The following AAMDC variants were observed in gnomAD, a reference collection of about 807,000 sequenced individuals.
AAMDC encodes mth938 domain-containing protein.
Under a neutral mutation model 15.5 loss-of-function variants are expected in AAMDC, and 16 were observed. The observed-to-expected ratio is 1.03, with a 90% confidence interval of 0.70 to 1.57. AAMDC has a LOEUF of 1.57. AAMDC is among the 40% of genes most tolerant of loss of function. AAMDC has a pLI of 0.00. For missense variants in AAMDC, 141 were observed against 144.9 expected, an observed-to-expected ratio of 0.97 and a Z score of 0.14; for synonymous variants, 51 against 51.6, an observed-to-expected ratio of 0.99 and a Z score of 0.05.
intron 3 of AAMDC, among the ~76,000 whole-genome samples, chr11:77,871,488 G>A (rs1041303621): frequency 2.0e-5 from 3 of 152,156 alleles, no homozygotes; most frequent in African/African-American, 7.2e-5. Flanking sequence ...AATAATAAAC[G>A]CAGTGAGGAA....
chr11:77,837,167 G>T (rs1282126825), intron 1 of AAMDC, among the ~76,000 whole-genome samples: 1 of 151,920 alleles, frequency 6.6e-6, no homozygotes, highest in African/African-American at 2.4e-5. Flanking sequence ...ACGTAGTCTC[G>T]CTCTGTCACC....
chr11:77,894,649 G>A (rs1952433950), intron 5 of AAMDC, among the ~76,000 whole-genome samples: 1 of 152,174 alleles, frequency 6.6e-6, no homozygotes, highest in Non-Finnish European at 1.5e-5. Flanking sequence ...TAGCATGTGG[G>A]CAGTACAGTG....
chr11:77,828,670 G>GA (rs34504909), intron 1 of AAMDC, among the ~76,000 whole-genome samples: 192 of 83,578 alleles, frequency 2.3e-3, no homozygotes, highest in Middle Eastern at 0.016. Context: ...ACTCCATCTC[G>GA]AAAAAAAAAA....
intron 5 of AAMDC, chr11:77,884,779 G>T: frequency 2.5e-6 from 1 of 402,746 alleles, no homozygotes; most frequent in African/African-American, 2.0e-5. Context: ...CTTTAAAACA[G>T]GGTCTTACTC....
intron 5 of AAMDC, chr11:77,894,422 C>T (rs1952421453): frequency 1.3e-6 from 1 of 782,702 alleles, no homozygotes; most frequent in African/African-American, 1.8e-5. Context: ...TCCCAGAAAC[C>T]TGAGCCTAAA....
At chr11:77,894,860 A>G (rs936093261) in intron 5 of AAMDC, among the ~76,000 whole-genome samples, 8 of 152,200 alleles carry the variant, frequency 5.3e-5, no homozygotes, top group African/African-American at 1.7e-4. Context: ...CAGCCATTGT[A>G]TCGGCATCTG....
At chr11:77,832,949 A>G (rs934021647) in intron 1 of AAMDC, among the ~76,000 whole-genome samples, 2 of 96,292 alleles carry the variant, frequency 2.1e-5, no homozygotes, top group Middle Eastern at 4.3e-3. Flanking sequence ...TTGTATATAT[A>G]TATGTGTGTG....
At chr11:77,900,689 A>G (rs1265595472) in exon 6 of AAMDC, 1 of 684,942 alleles carries the variant, frequency 1.5e-6, no homozygotes, top group Non-Finnish European at 2.6e-6. Flanking sequence ...TGAAATAGTA[A>G]GAAACAAAAA....
At chr11:77,850,523 C>CT in intron 2 of AAMDC, 1 of 151,858 alleles carries the variant, frequency 6.6e-6, no homozygotes, top group East Asian at 1.9e-4. Context: ...TTTTGTTAGA[C>CT]TGAAAGGGGT....
At chr11:77,885,274 A>G (rs993223432) in intron 5 of AAMDC, among the ~76,000 whole-genome samples, 1 of 151,502 alleles carries the variant, frequency 6.6e-6, no homozygotes, top group Non-Finnish European at 1.5e-5. Context: ...ATGGGGTTTC[A>G]CCATGTTGGC....
chr11:77,855,280 C>A (rs1337011601), intron 2 of AAMDC: 1 of 152,314 alleles, frequency 6.6e-6, no homozygotes, highest in Middle Eastern at 3.4e-3. Flanking sequence ...ATGCAAATTT[C>A]TACAGCTGGC....
At chr11:77,842,335 A>T in intron 1 of AAMDC, 144 bp from the exon 2 acceptor site, 2 of 733,646 alleles carry the variant, frequency 2.7e-6, no homozygotes, top group South Asian at 2.1e-5. Context: ...GTTACTTTTT[A>T]GACCTCTAAA....
intron 3 of AAMDC, among the ~76,000 whole-genome samples, chr11:77,870,329 ATTTTTTTT>A (rs965312288): frequency 8.0e-5 from 7 of 87,988 alleles, no homozygotes; most frequent in African/African-American, 2.4e-4. Flanking sequence ...CTATTTTTTA[ATTTTTTTT>A]TTTTTTTTTT....
chr11:77,826,308 G>A (rs1023881803), intron 1 of AAMDC, among the ~76,000 whole-genome samples: 9 of 151,876 alleles, frequency 5.9e-5, no homozygotes, highest in Middle Eastern at 6.8e-3. Context: ...GTTGCAGTGA[G>A]CCAAGATCAC....
At chr11:77,854,156 A>G (rs1950516008) in intron 2 of AAMDC, among the ~76,000 whole-genome samples, 1 of 151,754 alleles carries the variant, frequency 6.6e-6, no homozygotes, top group South Asian at 2.1e-4. Context: ...ACACCCAGCT[A>G]ATTTTTTTTG....
At chr11:77,826,978 A>G (rs1327117826) in intron 1 of AAMDC, among the ~76,000 whole-genome samples, 1 of 151,738 alleles carries the variant, frequency 6.6e-6, no homozygotes, top group Non-Finnish European at 1.5e-5. Context: ...GGTGGCACAC[A>G]CCCGTCGTCC....
At chr11:77,886,887 T>C (rs1463827494) in intron 5 of AAMDC, among the ~76,000 whole-genome samples, 1 of 152,012 alleles carries the variant, frequency 6.6e-6, no homozygotes, top group Non-Finnish European at 1.5e-5. Context: ...ATAAAGATAT[T>C]CTTTGAAACC....
At chr11:77,836,093 C>T (rs951806437) in intron 1 of AAMDC, among the ~76,000 whole-genome samples, 1 of 152,046 alleles carries the variant, frequency 6.6e-6, no homozygotes, top group Non-Finnish European at 1.5e-5. Context: ...GATAACAGAT[C>T]TAAAATATCT....
At chr11:77,876,850 T>A (rs764012128), downstream of AAMDC, 5 of 624,106 alleles carry the variant, frequency 8.0e-6, no homozygotes, top group Non-Finnish European at 1.4e-5. Context: ...AAGGGGTACT[T>A]ATCTGAAAAA....
Sources: gnomAD v4.1 joint callset for allele counts (sites outside exome capture counted in the v4.1 genomes callset) on GRCh38, gnomAD v4.1.1 for gene constraint, MANE v1.5 for transcripts, NCBI Gene and HGNC (gene_info 2026-07-23, HGNC 2026-07-21) for gene names.